Variants in BEND3 observed in about 807,000 individuals in gnomAD.
The protein encoded by BEND3 is BEN domain-containing protein 3.
A neutral mutation model predicts 60.1 loss-of-function variants in BEND3; 13 were observed. The observed-to-expected ratio is 0.22, with a 90% CI of 0.14 to 0.34. The LOEUF is 0.34. Among genes scored for constraint, BEND3 ranks in the 10% least tolerant of loss-of-function variants. The pLI, the probability that BEND3 is intolerant of heterozygous loss-of-function variation, is 1.00. For missense variants in BEND3, 896 were observed against 1,138.1 expected, an observed-to-expected ratio of 0.79 and a Z score of 3.06; for synonymous variants, 497 against 491.5, an observed-to-expected ratio of 1.01 and a Z score of -0.15.
At chr6:107,089,137 CAAAA>C (rs35806140) in intron 3 of BEND3, among the ~76,000 whole-genome samples, 2 of 139,472 alleles carry the variant, frequency 1.4e-5, no homozygotes, top group Non-Finnish European at 3.1e-5. Flanking sequence ...GACTCCGTCT[CAAAA>C]AAAAAAAAAA....
At chr6:107,104,780 C>CA (rs1356622731) in intron 1 of BEND3, among the ~76,000 whole-genome samples, 14 of 151,724 alleles carry the variant, frequency 9.2e-5, no homozygotes, top group Non-Finnish European at 1.9e-4. Flanking sequence ...GCCATCCTCC[C>CA]ACCTCAGCCT....
chr6:107,086,675 C>A (rs2115014003), intron 3 of BEND3, among the ~76,000 whole-genome samples: 1 of 152,110 alleles, frequency 6.6e-6, no homozygotes, highest in East Asian at 1.9e-4. Context: ...TCTCCCCCGA[C>A]ATTATTGAAG....
chr6:107,107,484 A>G (rs1775842345), intron 1 of BEND3, among the ~76,000 whole-genome samples: 1 of 151,072 alleles, frequency 6.6e-6, no homozygotes, highest in Admixed American at 6.6e-5. Context: ...TTTTTTTGAG[A>G]CAAAGTCTCA....
intron 1 of BEND3, among the ~76,000 whole-genome samples, chr6:107,107,424 C>CTTT (rs34112086): frequency 2.0e-5 from 3 of 147,104 alleles, no homozygotes; most frequent in Middle Eastern, 3.5e-3. Context: ...TATAAAGCTT[C>CTTT]TTTTTTTTTT....
intron 3 of BEND3, among the ~76,000 whole-genome samples, chr6:107,071,937 T>G (rs1774991655): frequency 1.3e-5 from 2 of 152,340 alleles, no homozygotes; most frequent in East Asian, 1.9e-4. Flanking sequence ...TCATCATGAC[T>G]GTGGCTGTGG....
At chr6:107,108,581 G>A (rs1349889586) in intron 1 of BEND3, among the ~76,000 whole-genome samples, 1 of 152,092 alleles carries the variant, frequency 6.6e-6, no homozygotes. Flanking sequence ...GGGCAGTTGG[G>A]TGTATACTGC....
At chr6:107,111,097 A>C (rs1394608313) in intron 1 of BEND3, among the ~76,000 whole-genome samples, 1 of 152,096 alleles carries the variant, frequency 6.6e-6, no homozygotes, top group African/African-American at 2.4e-5. Context: ...CCCGGGAGTC[A>C]GTGGTTGCAA....
rs1448397679 is a variant in BEND3, at chr6:107,098,966, T to C, written c.38-213A>G. Among the ~76,000 whole-genome samples, 3 of 152,230 alleles carry C rather than the reference T, an allele frequency of 2.0e-5. No homozygotes were observed. The East Asian group carries it at 5.8e-4, about 29-fold the overall frequency. ...AATAAAGCCATGTTCCAAGAGCATT[T>C]AGTTCAAATTGGTTTAAACATCTTT... is the stretch of plus-strand genomic sequence containing the variant. On this transcript the variant is annotated intron_variant, in intron 2 of 3. Transcript: ENST00000369042.
chr6:107,109,578 A>G (rs1582675921), intron 1 of BEND3, among the ~76,000 whole-genome samples: 1 of 151,862 alleles, frequency 6.6e-6, no homozygotes, highest in African/African-American at 2.4e-5. Context: ...ATCTCTATAA[A>G]AAATACAAAA....
intron 1 of BEND3, among the ~76,000 whole-genome samples, chr6:107,104,600 C>T (rs1247234628): frequency 2.0e-5 from 3 of 151,894 alleles, no homozygotes; most frequent in Admixed American, 6.6e-5. Flanking sequence ...TATAATAATA[C>T]AATGTAAGTG....
At chr6:107,089,094 C>T (rs116686811) in intron 3 of BEND3, among the ~76,000 whole-genome samples, 4,854 of 151,502 alleles carry the variant, frequency 0.032, 209 homozygotes, top group African/African-American at 0.099. Flanking sequence ...GCCGAGATCG[C>T]CCCATTGCAC....
chr6:107,082,009 T>C (rs1280017546), intron 3 of BEND3, among the ~76,000 whole-genome samples: 2 of 152,206 alleles, frequency 1.3e-5, no homozygotes, highest in Non-Finnish European at 2.9e-5. Flanking sequence ...CTGCTCCCTG[T>C]TTATAACAAT....
chr6:107,077,804 T>A (rs143663270), intron 3 of BEND3, among the ~76,000 whole-genome samples: 206 of 152,280 alleles, frequency 1.4e-3, no homozygotes, highest in African/African-American at 4.8e-3. Context: ...TTGAGAGACT[T>A]CTTAAGAATC....
chr6:107,106,929 A>G (rs1277622192), intron 1 of BEND3, among the ~76,000 whole-genome samples: 1 of 147,630 alleles, frequency 6.8e-6, no homozygotes, highest in Admixed American at 6.8e-5. Context: ...CCAGTTTTCA[A>G]AGAGGGCTTT....
At chr6:107,101,663 C>T (rs1762713) in intron 1 of BEND3, among the ~76,000 whole-genome samples, 151,482 of 152,342 alleles carry the variant, frequency 0.99, 75,318 homozygotes, top group Middle Eastern at 1. Flanking sequence ...TTACCAGAGT[C>T]AAATTTTAGC....
rs1774885274 is a variant in BEND3, at chr6:107,068,734, G to A, written c.2457C>T (p.Ile819=). 23 of 1,613,722 alleles carry A rather than the reference G, an allele frequency of 1.4e-5. No individual in the cohort carries two copies. The highest frequency in any genetic ancestry group is 1.9e-5 in the Non-Finnish European group (23 of 1,180,038). Residue 819 remains isoleucine (I), a synonymous_variant, in exon 4 of 4, where the codon ATC becomes ATT. Coordinates refer to ENST00000369042, the MANE Select transcript of BEND3 (RefSeq NM_001367314.1). This position sits in a 1 kb window ranked among gnomAD's most constrained non-coding sequence, Gnocchi z 5.8. ...TCTCCACTTTCTTTGCTTTCTTGAG[G>A]ATGTCGCATTTTTTCCTGTTGGGGC... ...CRRPNRKKCD[I]LKKAKKVEK
intron 1 of BEND3, among the ~76,000 whole-genome samples, chr6:107,109,606 GCTCACGCCTGTAGCC>G (rs1775898429): frequency 6.6e-6 from 1 of 151,856 alleles, no homozygotes; most frequent in Non-Finnish European, 1.5e-5. Context: ...CGGCACGGTC[GCTCACGCCTGTAGCC>G]CCAGCACTTT....
chr6:107,083,645 A>T (rs1775278231), intron 3 of BEND3, among the ~76,000 whole-genome samples: 1 of 152,160 alleles, frequency 6.6e-6, no homozygotes. Flanking sequence ...CAAAAAAAAG[A>T]AAACAATACT....
intron 1 of BEND3, among the ~76,000 whole-genome samples, chr6:107,110,752 G>A (rs569426498): frequency 2.6e-5 from 4 of 152,038 alleles, no homozygotes; most frequent in African/African-American, 7.2e-5. Context: ...ACGAGGTTTC[G>A]CGATGTTGGC....
Sources: allele counts gnomAD v4.1 joint callset (sites outside exome capture counted in the v4.1 genomes callset), GRCh38; gene constraint gnomAD v4.1.1; non-coding constraint Gnocchi (gnomAD v3.1); transcripts MANE v1.5; gene names NCBI Gene and HGNC (gene_info 2026-07-23, HGNC 2026-07-21).